DGKB: variants seen among roughly 807,000 people sequenced by gnomAD.
DGKB encodes the protein diacylglycerol kinase beta.
A neutral mutation model predicts 114.3 loss-of-function variants in DGKB; 67 were observed. That is an observed-to-expected ratio of 0.59 (90% CI 0.48 to 0.72). The LOEUF (loss-of-function observed/expected upper bound fraction) is 0.72, where lower values mean the gene tolerates loss of function less well. Ranked by LOEUF, DGKB falls within the 30% of genes least tolerant of loss-of-function variation. The pLI, the probability that DGKB is intolerant of heterozygous loss-of-function variation, is 0.00. For missense variants in DGKB, 907 were observed against 975.2 expected (o/e 0.93, Z 0.93); for synonymous variants, 398 against 323.1 (o/e 1.23, Z -2.49).
At chr7:14,580,205 A>G (rs1349679744) in intron 19 of DGKB, among the ~76,000 whole-genome samples, 2 of 152,174 alleles carry the variant, frequency 1.3e-5, no homozygotes, top group East Asian at 1.9e-4. Flanking sequence ...CCGCCTATGA[A>G]GTTCACACCC....
chr7:14,879,656 C>A (rs1370100575), intron 1 of DGKB, among the ~76,000 whole-genome samples: 1 of 152,142 alleles, frequency 6.6e-6, no homozygotes, highest in African/African-American at 2.4e-5. Flanking sequence ...TTTTCTTTGA[C>A]CCAACAAAAA....
Position 14,333,385 on chromosome 7 carries a change from C to T in DGKB, c.2122+5130G>A, listed in dbSNP as rs568331285. On this transcript the variant is annotated intron_variant, in intron 23 of 25. Transcript: ENST00000402815. The stretch of plus-strand genomic sequence containing the variant: ...CTGAGGCAGGAGAATGGCGTGAACC[C>T]GGGAGGTGGAGCTTGCAGTGAGCCG... Among the ~76,000 whole-genome samples the T allele has an allele frequency of 7.2e-4, 108 of 150,176 alleles. 1 individual carries two copies. Among genetic ancestry groups the T allele is most frequent in the Middle Eastern group, 3.4e-3 (1 of 292 alleles).
At chr7:14,779,014 G>C (rs890971842) in intron 2 of DGKB, among the ~76,000 whole-genome samples, 1 of 152,096 alleles carries the variant, frequency 6.6e-6, no homozygotes, top group Non-Finnish European at 1.5e-5. Context: ...AAATTAGCTA[G>C]GCGTGGTGGC....
intron 1 of DGKB, among the ~76,000 whole-genome samples, chr7:14,922,104 T>C (rs975046756): frequency 2.6e-5 from 4 of 151,716 alleles, no homozygotes; most frequent in African/African-American, 4.8e-5. Flanking sequence ...TGCTGTTTAG[T>C]AGAGGTAGAA....
chr7:14,834,317 G>C (rs891543163), intron 2 of DGKB, among the ~76,000 whole-genome samples: 4 of 152,126 alleles, frequency 2.6e-5, no homozygotes, highest in Admixed American at 1.3e-4. Flanking sequence ...CTTGGCTAAT[G>C]TCCCAAGGTA....
At chr7:14,847,524 A>C (rs1848803908) in intron 1 of DGKB, among the ~76,000 whole-genome samples, 1 of 152,190 alleles carries the variant, frequency 6.6e-6, no homozygotes, top group Non-Finnish European at 1.5e-5. Context: ...AAGAAGTCTA[A>C]ATTTGAGACC....
intron 1 of DGKB, among the ~76,000 whole-genome samples, chr7:14,868,607 G>A (rs1261634647): frequency 6.6e-6 from 1 of 151,884 alleles, no homozygotes; most frequent in Admixed American, 6.6e-5. Context: ...AGTAGCTCTA[G>A]CTCTGCCCCT....
At chr7:14,630,172 C>T in intron 14 of DGKB, 64 bp downstream of exon 14, 2 of 1,086,560 alleles carry the variant, frequency 1.8e-6, no homozygotes, top group Non-Finnish European at 2.6e-6. Flanking sequence ...ATGTTCTTTA[C>T]AGCAATACAA....
At chr7:14,354,322 C>T (rs901008830) in intron 21 of DGKB, among the ~76,000 whole-genome samples, 19 of 152,072 alleles carry the variant, frequency 1.2e-4, no homozygotes, top group African/African-American at 4.3e-4. Context: ...AAATTGTTTT[C>T]AATAAGTTTT....
At chr7:14,789,129 A>C (rs1840308240) in intron 2 of DGKB, among the ~76,000 whole-genome samples, 1 of 152,024 alleles carries the variant, frequency 6.6e-6, no homozygotes, top group Non-Finnish European at 1.5e-5. Flanking sequence ...ATTCACTTGT[A>C]GATATAAGGC....
chr7:14,171,852 T>C (rs1781042594), intron 25 of DGKB, among the ~76,000 whole-genome samples: 1 of 152,222 alleles, frequency 6.6e-6, no homozygotes, highest in Admixed American at 6.5e-5. Context: ...AATCTAATTA[T>C]GTGTGAGGTA....
intron 1 of DGKB, among the ~76,000 whole-genome samples, chr7:14,918,127 A>G (rs1274672901): frequency 6.6e-6 from 1 of 152,156 alleles, no homozygotes; most frequent in Non-Finnish European, 1.5e-5. Flanking sequence ...ATCTACAATA[A>G]ATCTACAGGT....
rs1044558434 is a variant in DGKB, at chr7:14,433,943, C to G, written c.1835+44218G>C. 2.0e-5 allele frequency among the ~76,000 whole-genome samples: 3 copies of G among 152,246 alleles called. No individual in the cohort carries two copies. The South Asian group carries it at 6.2e-4, about 32-fold the overall frequency. On this transcript the variant is annotated intron_variant, in intron 21 of 25. Transcript: ENST00000402815. ...AATGATTTTGTGCATGCAACAAAGT[C>G]TTGACTGTATTTTTACTATGACTTG...
chr7:14,481,776 T>G (rs894485681), intron 20 of DGKB, among the ~76,000 whole-genome samples: 1 of 152,010 alleles, frequency 6.6e-6, no homozygotes, highest in African/African-American at 2.4e-5. Flanking sequence ...AAACTTTTCT[T>G]TTTCTCAAAA....
At chr7:14,541,298 T>C (rs974567539) in intron 20 of DGKB, among the ~76,000 whole-genome samples, 1 of 152,174 alleles carries the variant, frequency 6.6e-6, no homozygotes, top group Admixed American at 6.5e-5. Context: ...CAGCTATCAA[T>C]ATCACTTCAT....
At chr7:14,664,621 T>A (rs977805115) in intron 13 of DGKB, among the ~76,000 whole-genome samples, 3 of 152,028 alleles carry the variant, frequency 2.0e-5, no homozygotes, top group Non-Finnish European at 2.9e-5. Context: ...AGACTATTTA[T>A]ATAAACATCA....
intron 5 of DGKB, among the ~76,000 whole-genome samples, chr7:14,723,025 A>ATT (rs369470052): frequency 6.7e-6 from 1 of 149,314 alleles, no homozygotes; most frequent in African/African-American, 2.5e-5. Context: ...TTATTTATTC[A>ATT]TTTTTTTTTC....
intron 4 of DGKB, among the ~76,000 whole-genome samples, chr7:14,744,803 T>G (rs911317110): frequency 6.6e-6 from 1 of 152,204 alleles, no homozygotes; most frequent in African/African-American, 2.4e-5. Context: ...ACCACACATT[T>G]GTCATTAAAT....
At chr7:14,783,897 A>G (rs1417691635) in intron 2 of DGKB, among the ~76,000 whole-genome samples, 1 of 152,208 alleles carries the variant, frequency 6.6e-6, no homozygotes, top group African/African-American at 2.4e-5. Flanking sequence ...TCACACACAT[A>G]AAAGAATAAG....
Sources: allele counts gnomAD v4.1 joint callset (sites outside exome capture counted in the v4.1 genomes callset), GRCh38; gene constraint gnomAD v4.1.1; transcripts MANE v1.5; gene names NCBI Gene and HGNC (gene_info 2026-07-23, HGNC 2026-07-21).